PCBP2: variants seen among roughly 807,000 people sequenced by gnomAD.
The protein encoded by PCBP2 is poly(rC) binding protein 2.
PCBP2 carries 4 observed loss-of-function variants against 50.1 expected under a neutral mutation model. The observed-to-expected ratio is 0.08, with a 90% CI of 0.04 to 0.18. PCBP2 has a LOEUF of 0.18. Among genes scored for constraint, PCBP2 ranks in the 10% least tolerant of loss-of-function variants. PCBP2 has a pLI of 1.00. For synonymous variants in PCBP2, 179 were observed against 168.0 expected (o/e 1.07, Z -0.51); for missense variants, 161 against 474.3 (o/e 0.34, Z 6.14).
intron 8 of PCBP2, among the ~76,000 whole-genome samples, chr12:53,463,691 C>CT: frequency 6.6e-6 from 1 of 152,286 alleles, no homozygotes; most frequent in Middle Eastern, 3.4e-3. Flanking sequence ...GTAGGGACAC[C>CT]TAGGGACAAC....
intron 14 of PCBP2, among the ~76,000 whole-genome samples, chr12:53,472,010 G>GA (rs1343658580): frequency 6.7e-6 from 1 of 148,830 alleles, no homozygotes; most frequent in Non-Finnish European, 1.5e-5. Flanking sequence ...TTGGTGGGGG[G>GA]GGGAGCACAG....
intron 5 of PCBP2, among the ~76,000 whole-genome samples, chr12:53,457,770 T>C (rs973214954): frequency 6.6e-6 from 1 of 152,222 alleles, no homozygotes; most frequent in Non-Finnish European, 1.5e-5. Context: ...TCCAGGTCTC[T>C]AGTTATCAGC....
In PCBP2 at chr12:53,458,155, C is replaced by A. The variant is rs570385948; in HGVS notation, c.244-1117C>A. ...TGTTGGCCAGGCTGGTCTCGGACTC[C>A]TGACCTCAGTGATCCACCTGCTTTG... is the stretch of plus-strand genomic sequence containing the variant. On this transcript the variant is annotated intron_variant, in intron 5 of 14. Coordinates refer to ENST00000546463, the MANE Select transcript of PCBP2 (RefSeq NM_031989.5). 6.6e-5 allele frequency among the ~76,000 whole-genome samples: 10 copies of A among 152,016 alleles called. No individual in the cohort carries two copies. The East Asian group carries it at 1.9e-3, about 30-fold the overall frequency.
chr12:53,476,627 T>C (rs542750786), intron 14 of PCBP2, among the ~76,000 whole-genome samples: 29 of 152,234 alleles, frequency 1.9e-4, no homozygotes, highest in East Asian at 3.9e-4. Flanking sequence ...CTGATGACCT[T>C]TTCCCAGCAT....
At chr12:53,466,038 T>C in intron 10 of PCBP2, 65 bp downstream of exon 10, 1 of 1,390,896 alleles carries the variant, frequency 7.2e-7, no homozygotes. Flanking sequence ...GTCTCACTCC[T>C]CTCTCCCAAG....
intron 7 of PCBP2, 109 bp downstream of exon 7, chr12:53,461,252 G>C: frequency 8.0e-7 from 1 of 1,245,200 alleles, no homozygotes; most frequent in South Asian, 1.4e-5. Flanking sequence ...AAGGCTTCCA[G>C]TGGGGGTGGG....
chr12:53,458,085 T>C, intron 5 of PCBP2, among the ~76,000 whole-genome samples: 1 of 150,748 alleles, frequency 6.6e-6, no homozygotes, highest in East Asian at 2.0e-4. Flanking sequence ...CCTACCACCA[T>C]GCCTGGCTAA....
At chr12:53,472,849 CTT>C (rs921351327) in intron 14 of PCBP2, among the ~76,000 whole-genome samples, 12 of 152,300 alleles carry the variant, frequency 7.9e-5, no homozygotes, top group South Asian at 2.1e-4. Context: ...TGCTACTACT[CTT>C]TGTGTAGAAA....
chr12:53,459,660 T>C (rs1941300193), intron 6 of PCBP2: 2 of 267,982 alleles, frequency 7.5e-6, no homozygotes, highest in South Asian at 8.2e-5. Context: ...TCTATTTTTT[T>C]TTGGCAACTT....
intron 14 of PCBP2, among the ~76,000 whole-genome samples, chr12:53,473,368 C>T (rs538366079): frequency 1.2e-4 from 18 of 152,330 alleles, no homozygotes; most frequent in African/African-American, 4.1e-4. Context: ...CAGGCGTGAG[C>T]CACTATGCCC....
Position 53,479,519 on chromosome 12 carries a change from T to C in PCBP2, c.*77T>C. 7.8e-7 allele frequency: 1 copy of C among 1,276,954 alleles called. No individual in the cohort carries two copies. The highest frequency in any genetic ancestry group is 1.1e-6 in the Non-Finnish European group (1 of 879,136). The allele number at this position is 1,276,954 out of a possible 1,614,324, so 79.1% of individuals were successfully genotyped here. A position where few individuals can be genotyped will look rare whatever the true frequency, so the allele number is the denominator to read the frequency against. On this transcript the variant is annotated 3_prime_UTR_variant, in exon 15 of 15. Coordinates refer to ENST00000546463, the MANE Select transcript of PCBP2 (RefSeq NM_031989.5). ...ATCCATCTGTGTAGTTTCTGAACAG[T>C]CAGCGATTCCAGGTTTTAAATAGTT...
intron 10 of PCBP2, among the ~76,000 whole-genome samples, chr12:53,466,217 C>G (rs1214678895): frequency 6.6e-6 from 1 of 152,202 alleles, no homozygotes; most frequent in Non-Finnish European, 1.5e-5. Flanking sequence ...CCCTGTGTTT[C>G]AGATTACCCT....
At chr12:53,468,996 G>A (rs867382463) in intron 13 of PCBP2, among the ~76,000 whole-genome samples, 164 bp downstream of exon 13, 21 of 146,966 alleles carry the variant, frequency 1.4e-4, no homozygotes, top group African/African-American at 5.0e-4. Context: ...TCCGCCTCCC[G>A]GGTTCAACCA....
chr12:53,464,967 G>A (rs1941710912), intron 9 of PCBP2, 115 bp downstream of exon 9: 1 of 1,333,324 alleles, frequency 7.5e-7, no homozygotes, highest in Non-Finnish European at 9.7e-7. Context: ...GACACCACCT[G>A]TCCACGGGGA....
At chr12:53,462,641 C>G (rs1941526051) in intron 8 of PCBP2, 74 bp downstream of exon 8, 3 of 1,209,202 alleles carry the variant, frequency 2.5e-6, no homozygotes, top group Non-Finnish European at 3.6e-6. Flanking sequence ...CAGCATCACA[C>G]CAAGCCACTC....
chr12:53,481,067 T>TA lies in PCBP2; in HGVS notation c.*1626dup, dbSNP rs975341220. 2.5e-5 allele frequency: 9 copies of TA among 367,290 alleles called. No homozygotes were observed. The highest frequency in any genetic ancestry group is 1.3e-4 in the African/African-American group (6 of 45,458). 22.8% of individuals were successfully genotyped at this position (367,290 alleles called of 1,614,324 possible). On this transcript the variant is annotated 3_prime_UTR_variant, in exon 15 of 15. Coordinates refer to ENST00000546463, the MANE Select transcript of PCBP2 (RefSeq NM_031989.5). ...GGATCAGTCTCCCTCGAGCCTGACT[T>TA]ACGGCTGGGACAGCCCCATCTTTCT...
chr12:53,470,322 AGCCAAGATCGT>A (rs1371706330), intron 13 of PCBP2, among the ~76,000 whole-genome samples: 59 of 141,018 alleles, frequency 4.2e-4, no homozygotes, highest in Non-Finnish European at 7.7e-4. Context: ...GGTTGCAGTG[AGCCAAGATCGT>A]GCCACTGCAC....
At chr12:53,469,823 C>T (rs1942085421) in intron 13 of PCBP2, among the ~76,000 whole-genome samples, 5 of 139,268 alleles carry the variant, frequency 3.6e-5, no homozygotes, top group East Asian at 2.1e-4. Flanking sequence ...CTCACTGTGA[C>T]CTCCGTCTCC....
At chr12:53,464,106 G>A (rs967548917) in intron 8 of PCBP2, among the ~76,000 whole-genome samples, 2 of 152,194 alleles carry the variant, frequency 1.3e-5, no homozygotes, top group South Asian at 2.1e-4. Flanking sequence ...CCCAGAGTCA[G>A]TGTCGCCAGA....
Sources: allele counts gnomAD v4.1 joint callset (sites outside exome capture counted in the v4.1 genomes callset), GRCh38; gene constraint gnomAD v4.1.1; transcripts MANE v1.5; gene names NCBI Gene and HGNC (gene_info 2026-07-23, HGNC 2026-07-21).